The following WNT3 variants were observed in gnomAD, a reference collection of about 807,000 sequenced individuals.
The protein encoded by WNT3 is Wnt family member 3.
WNT3 carries 7 observed loss-of-function variants against 34.2 expected under a neutral mutation model. The ratio of observed to expected loss-of-function variants is 0.20; its 90% confidence interval spans 0.12 to 0.38. WNT3 has a LOEUF of 0.38. Among genes scored for constraint, WNT3 ranks in the 10% least tolerant of loss-of-function variants. The pLI is 1.00. For synonymous variants in WNT3, 212 were observed against 211.5 expected, an observed-to-expected ratio of 1.00 and a Z score of -0.02; for missense variants, 267 against 499.8, an observed-to-expected ratio of 0.53 and a Z score of 4.44.
intron 1 of WNT3, among the ~76,000 whole-genome samples, chr17:46,806,584 T>C (rs2084200473): frequency 6.6e-6 from 1 of 152,130 alleles, no homozygotes; most frequent in African/African-American, 2.4e-5. Context: ...TCCAGGACAG[T>C]GCAGAGGTCA....
At chr17:46,801,882 G>A (rs2084130121) in intron 1 of WNT3, among the ~76,000 whole-genome samples, 2 of 152,124 alleles carry the variant, frequency 1.3e-5, no homozygotes, top group Admixed American at 1.3e-4. Flanking sequence ...CGACCCTAGT[G>A]GAACTGTTTC....
chr17:46,799,519 C>A (rs903986780), intron 1 of WNT3, among the ~76,000 whole-genome samples: 22 of 148,424 alleles, frequency 1.5e-4, no homozygotes, highest in African/African-American at 5.5e-4. Context: ...GTCATCTCAG[C>A]TAACTGCAAC....
chr17:46,773,623 T>TAC, intron 2 of WNT3, 45 bp downstream of exon 2: 3 of 383,492 alleles, frequency 7.8e-6, no homozygotes, highest in South Asian at 1.9e-5. Flanking sequence ...TCCTGATCCC[T>TAC]CCCCCCACCC....
chr17:46,787,903 C>T (rs931831345), intron 1 of WNT3, among the ~76,000 whole-genome samples: 2 of 151,296 alleles, frequency 1.3e-5, no homozygotes, highest in Admixed American at 6.6e-5. Flanking sequence ...TTTCAGTGAG[C>T]CGAGATTGTG....
chr17:46,810,007 T>TTC (rs1555688359), intron 1 of WNT3, among the ~76,000 whole-genome samples: 1 of 146,294 alleles, frequency 6.8e-6, no homozygotes, highest in African/African-American at 2.5e-5. Context: ...TTTCTTTCTT[T>TTC]TTTTTTTTTT....
intron 1 of WNT3, among the ~76,000 whole-genome samples, chr17:46,774,230 A>G (rs2059397414): frequency 2.0e-5 from 3 of 152,266 alleles, no homozygotes; most frequent in African/African-American, 4.8e-5. Flanking sequence ...GCCCAGATCC[A>G]GTCCTTTCCA....
At chr17:46,769,682 C>A (rs2059346335) in intron 3 of WNT3, 101 bp downstream of exon 3, 1 of 1,519,842 alleles carries the variant, frequency 6.6e-7, no homozygotes, top group Admixed American at 1.8e-5. Context: ...AGCCCGCGAC[C>A]CACAGGGCTG....
Position 46,768,134 on chromosome 17 carries a change from C to A in WNT3, c.*8+178G>T, listed in dbSNP as rs546256250. 6.6e-6 allele frequency among the ~76,000 whole-genome samples: 1 copy of A among 152,184 alleles called. No homozygotes were observed. Among genetic ancestry groups the A allele is most frequent in the African/African-American group, 2.4e-5 (1 of 41,442 alleles). ...CTTTGTGCAATCCACCAAGTCTCTG[C>A]CCAAGGACCATTCCCACGGATGCTT... On this transcript the variant is annotated intron_variant, in intron 4 of 4. Transcript: ENST00000225512. This position sits in a 1 kb window ranked among gnomAD's most constrained non-coding sequence, Gnocchi z 5.0.
At chr17:46,787,140 A>G (rs1343681729) in intron 1 of WNT3, among the ~76,000 whole-genome samples, 2 of 152,144 alleles carry the variant, frequency 1.3e-5, no homozygotes, top group Non-Finnish European at 2.9e-5. Context: ...AAGTCCTGCT[A>G]TATTGCCCAG....
At chr17:46,795,258 C>G (rs529781007) in intron 1 of WNT3, among the ~76,000 whole-genome samples, 81 of 152,196 alleles carry the variant, frequency 5.3e-4, no homozygotes, top group Admixed American at 2.0e-3. Flanking sequence ...CACACCAGCG[C>G]ATTCAGCCCC....
intron 1 of WNT3, among the ~76,000 whole-genome samples, chr17:46,814,002 G>A (rs1344420088): frequency 6.6e-6 from 1 of 152,196 alleles, no homozygotes; most frequent in African/African-American, 2.4e-5. Context: ...CACTGGTGAA[G>A]CTGCAGCAAG....
intron 1 of WNT3, among the ~76,000 whole-genome samples, chr17:46,778,803 C>A (rs1269487519): frequency 1.3e-5 from 2 of 152,034 alleles, no homozygotes; most frequent in African/African-American, 4.8e-5. Flanking sequence ...ACTGCCCGGC[C>A]CCCGGCAACC....
intron 1 of WNT3, among the ~76,000 whole-genome samples, chr17:46,815,162 A>T (rs761294439): frequency 3.9e-5 from 6 of 152,060 alleles, no homozygotes; most frequent in Non-Finnish European, 7.4e-5. Context: ...ACATAGGTTC[A>T]TCCCCCCACC....
chr17:46,806,210 T>C (rs2084193404), intron 1 of WNT3, among the ~76,000 whole-genome samples: 1 of 44,782 alleles, frequency 2.2e-5, no homozygotes, highest in Non-Finnish European at 6.0e-5. Context: ...TCTTTTCCTT[T>C]TTTTTTTTTT....
At chr17:46,778,807 G>C (rs988960632) in intron 1 of WNT3, among the ~76,000 whole-genome samples, 11 of 151,798 alleles carry the variant, frequency 7.2e-5, no homozygotes, top group African/African-American at 2.2e-4. Context: ...CCCGGCCCCC[G>C]GCAACCATTC....
intron 1 of WNT3, among the ~76,000 whole-genome samples, chr17:46,792,699 A>G (rs2146426313): frequency 6.6e-6 from 1 of 152,190 alleles, no homozygotes; most frequent in East Asian, 1.9e-4. Context: ...GCCTCGAACT[A>G]CTGACCACGT....
chr17:46,773,187 C>A (rs1340868737), intron 2 of WNT3, among the ~76,000 whole-genome samples: 1 of 152,118 alleles, frequency 6.6e-6, no homozygotes, highest in Non-Finnish European at 1.5e-5. Context: ...TGGGCATATC[C>A]AGCTGACAGG....
At chr17:46,818,183 A>G (rs913965872) in intron 1 of WNT3, among the ~76,000 whole-genome samples, 36 of 152,100 alleles carry the variant, frequency 2.4e-4, no homozygotes, top group African/African-American at 8.5e-4. Context: ...GGATTTCCAG[A>G]AACCCAACTG....
chr17:46,799,066 A>AAAAAT (rs1276194630), intron 1 of WNT3, among the ~76,000 whole-genome samples: 1 of 151,488 alleles, frequency 6.6e-6, no homozygotes, highest in East Asian at 1.9e-4. Context: ...AAAAAAAAAA[A>AAAAAT]ATCCCTGATA....
Sources: allele counts gnomAD v4.1 joint callset (sites outside exome capture counted in the v4.1 genomes callset), GRCh38; gene constraint gnomAD v4.1.1; non-coding constraint Gnocchi (gnomAD v3.1); transcripts MANE v1.5; gene names NCBI Gene and HGNC (gene_info 2026-07-23, HGNC 2026-07-21).